RFX3: variants seen among roughly 807,000 people sequenced by gnomAD.
RFX3 encodes transcription factor RFX3.
In RFX3, 14 loss-of-function variants were observed where a neutral mutation model predicts 98.6. The ratio of observed to expected loss-of-function variants is 0.14; its 90% CI spans 0.09 to 0.22. The LOEUF is 0.22. Ranked by LOEUF, RFX3 falls within the 10% of genes least tolerant of loss-of-function variation. The pLI is 1.00. For synonymous variants in RFX3, 383 were observed against 328.4 expected (o/e 1.17, Z -1.80); for missense variants, 639 against 926.9 (o/e 0.69, Z 4.03).
intron 1 of RFX3, among the ~76,000 whole-genome samples, chr9:3,513,501 A>C (rs1817842973): frequency 6.6e-6 from 1 of 152,202 alleles, no homozygotes; most frequent in South Asian, 2.1e-4. Flanking sequence ...TTTATAATCC[A>C]GAAGGTAAAC....
chr9:3,279,169 T>C (rs1360230032), intron 7 of RFX3, among the ~76,000 whole-genome samples: 2 of 151,836 alleles, frequency 1.3e-5, no homozygotes, highest in Non-Finnish European at 2.9e-5. Flanking sequence ...GGCAGAGCAG[T>C]TGCTAGCCAT....
At chr9:3,239,203 G>A (rs16916153) in intron 15 of RFX3, among the ~76,000 whole-genome samples, 18,375 of 152,190 alleles carry the variant, frequency 0.12, 1,571 homozygotes, top group African/African-American at 0.24. Context: ...ACATGGTTTT[G>A]CAAGCGAGGA....
chr9:3,516,934 C>T (rs1016177259), intron 1 of RFX3, among the ~76,000 whole-genome samples: 1 of 152,202 alleles, frequency 6.6e-6, no homozygotes, highest in African/African-American at 2.4e-5. Context: ...AAAATGAGGG[C>T]ACTTGGCCAC....
rs1482553522 is a variant in RFX3, at chr9:3,222,720, G to T, written c.*2322C>A. 6.6e-6 allele frequency: 1 copy of T among 152,012 alleles called. No individual in the cohort carries two copies. The highest frequency in any genetic ancestry group is 2.4e-5 in the African/African-American group (1 of 41,400). 9.4% of individuals were successfully genotyped at this position (152,012 alleles called of 1,614,324 possible). On this transcript the variant is annotated 3_prime_UTR_variant, in exon 17 of 17. Coordinates refer to ENST00000617270, the MANE Select transcript of RFX3 (RefSeq NM_001282116.2). ...CAATGAAGTAGATACATGAACTTTTGCAGATTATCATGTTTTGTTTGCCTT... is the reference window on the plus strand; with the variant it reads ...CAATGAAGTAGATACATGAACTTTTTCAGATTATCATGTTTTGTTTGCCTT...
chr9:3,262,826 T>A, intron 13 of RFX3, 109 bp downstream of exon 13: 1 of 1,103,654 alleles, frequency 9.1e-7, no homozygotes, highest in South Asian at 1.5e-5. Context: ...TGAATATAGA[T>A]GCTGCCATAT....
chr9:3,398,914 T>TAAAAAA lies in RFX3; in HGVS notation c.-8-3324_-8-3319dup, dbSNP rs71324247. ...ATGTACCCTAAAACTTAGAGTATAATAAAAAAAAAAAAAAAAAAAAAAAAA... is the reference window on the plus strand; with the variant it reads ...ATGTACCCTAAAACTTAGAGTATAATAAAAAAAAAAAAAAAAAAAAAAAAAAAAAAA... On this transcript the variant is annotated intron_variant, in intron 1 of 16. Transcript: ENST00000617270. 2.8e-3 allele frequency among the ~76,000 whole-genome samples: 192 copies of TAAAAAA among 67,474 alleles called. 1 individual carries two copies. Among genetic ancestry groups the TAAAAAA allele is most frequent in the East Asian group, 0.01 (21 of 2,066 alleles). 44.3% of individuals were successfully genotyped at this position (67,474 alleles called of 152,430 possible). A position where few individuals can be genotyped will look rare whatever the true frequency, so the allele number is the denominator to read the frequency against.
At chr9:3,499,334 A>G (rs1206425361) in intron 1 of RFX3, among the ~76,000 whole-genome samples, 1 of 152,014 alleles carries the variant, frequency 6.6e-6, no homozygotes, top group African/African-American at 2.4e-5. Context: ...AAAAATAAAA[A>G]CCATTCCCCC....
intron 1 of RFX3, among the ~76,000 whole-genome samples, chr9:3,467,629 C>G (rs1441199474): frequency 6.6e-6 from 1 of 151,934 alleles, no homozygotes; most frequent in African/African-American, 2.4e-5. Flanking sequence ...AATTATAAAT[C>G]AAGACATCCA....
At chr9:3,252,007 C>T (rs1821469846) in intron 14 of RFX3, among the ~76,000 whole-genome samples, 1 of 152,156 alleles carries the variant, frequency 6.6e-6, no homozygotes, top group Non-Finnish European at 1.5e-5. Flanking sequence ...CGCCACCACG[C>T]CTGGCTAATT....
intron 15 of RFX3, among the ~76,000 whole-genome samples, chr9:3,240,071 G>T (rs181466990): frequency 1.1e-3 from 170 of 152,366 alleles, no homozygotes; most frequent in African/African-American, 3.9e-3. Context: ...GGGGAGTGAT[G>T]AAGCAGTCTA....
intron 1 of RFX3, among the ~76,000 whole-genome samples, chr9:3,518,014 A>G (rs961480307): frequency 2.6e-5 from 4 of 152,218 alleles, no homozygotes; most frequent in African/African-American, 7.2e-5. Flanking sequence ...CTACGTTTAG[A>G]TATGTTCAGA....
chr9:3,522,220 T>C (rs144765289), intron 1 of RFX3, among the ~76,000 whole-genome samples: 1 of 152,308 alleles, frequency 6.6e-6, no homozygotes, highest in African/African-American at 2.4e-5. Flanking sequence ...ACAAGCCAGA[T>C]TTAGTCAAAT....
At chr9:3,251,146 A>G (rs188708626) in intron 14 of RFX3, among the ~76,000 whole-genome samples, 1 of 152,154 alleles carries the variant, frequency 6.6e-6, no homozygotes, top group Admixed American at 6.5e-5. Flanking sequence ...GACGTTAAAC[A>G]TTATGTTTCT....
chr9:3,451,122 TGTGTTAAAGA>T (rs1846584787), intron 1 of RFX3, among the ~76,000 whole-genome samples: 1 of 151,936 alleles, frequency 6.6e-6, no homozygotes, highest in Admixed American at 6.6e-5. Context: ...ATGATGAAAG[TGTGTTAAAGA>T]GATATAGAAG....
At chr9:3,312,745 G>A (rs899944378) in intron 4 of RFX3, among the ~76,000 whole-genome samples, 5 of 152,170 alleles carry the variant, frequency 3.3e-5, no homozygotes, top group African/African-American at 9.6e-5. Flanking sequence ...GGGGTCCCAC[G>A]CCCATGGAGC....
chr9:3,234,210 G>T (rs1818840306), intron 15 of RFX3, among the ~76,000 whole-genome samples: 1 of 152,148 alleles, frequency 6.6e-6, no homozygotes, highest in Non-Finnish European at 1.5e-5. Flanking sequence ...TTTCAGTAAG[G>T]GACCAGATGG....
chr9:3,352,844 T>C (rs1458651395), intron 2 of RFX3, among the ~76,000 whole-genome samples: 1 of 152,040 alleles, frequency 6.6e-6, no homozygotes, highest in East Asian at 1.9e-4. Flanking sequence ...GACAGAATGA[T>C]GGTCTCACTG....
chr9:3,382,986 C>T (rs577560446), intron 2 of RFX3, among the ~76,000 whole-genome samples: 1 of 152,066 alleles, frequency 6.6e-6, no homozygotes, highest in Non-Finnish European at 1.5e-5. Flanking sequence ...TTATTAGTAG[C>T]TCATATTATC....
chr9:3,447,751 TA>T (rs930578248), intron 1 of RFX3, among the ~76,000 whole-genome samples: 2 of 152,158 alleles, frequency 1.3e-5, no homozygotes, highest in African/African-American at 4.8e-5. Context: ...ATGAATTAAG[TA>T]AGAAGCATTC....
Sources: allele counts gnomAD v4.1 joint callset (sites outside exome capture counted in the v4.1 genomes callset), GRCh38; gene constraint gnomAD v4.1.1; transcripts MANE v1.5; gene names NCBI Gene and HGNC (gene_info 2026-07-23, HGNC 2026-07-21).